Variants in ADAMTS18 observed in about 807,000 individuals in gnomAD.
ADAMTS18 encodes A disintegrin and metalloproteinase with thrombospondin motifs 18.
In ADAMTS18, 157 loss-of-function variants were observed where a neutral mutation model predicts 165.9. The ratio of observed to expected loss-of-function variants is 0.95; its 90% CI spans 0.83 to 1.08. The LOEUF (loss-of-function observed/expected upper bound fraction) is 1.08, where lower values mean the gene tolerates loss of function less well. Ranked by LOEUF, ADAMTS18 falls within the 50% of genes least tolerant of loss-of-function variation. The pLI, the probability that ADAMTS18 is intolerant of heterozygous loss-of-function variation, is 0.00. For missense variants in ADAMTS18, 2,040 were observed against 1,534.0 expected, an observed-to-expected ratio of 1.33 and a Z score of -5.51; for synonymous variants, 782 against 578.2, an observed-to-expected ratio of 1.35 and a Z score of -5.06.
intron 3 of ADAMTS18, among the ~76,000 whole-genome samples, chr16:77,400,276 T>A (rs1289560901): frequency 9.9e-5 from 15 of 151,882 alleles, no homozygotes; most frequent in Admixed American, 9.8e-4. Context: ...GCATTACATA[T>A]CTTCGCACCT....
At chr16:77,380,565 G>A (rs2057016196) in intron 3 of ADAMTS18, among the ~76,000 whole-genome samples, 1 of 152,106 alleles carries the variant, frequency 6.6e-6, no homozygotes, top group Non-Finnish European at 1.5e-5. Flanking sequence ...TAGCAAAATG[G>A]TTGATATTCT....
chr16:77,378,851 C>T (rs1388982832), intron 3 of ADAMTS18: 1 of 152,156 alleles, frequency 6.6e-6, no homozygotes, highest in African/African-American at 2.4e-5. Context: ...AGAAGTCTGG[C>T]CTTTTTCTAA....
In ADAMTS18 at chr16:77,296,547, G is replaced by C. The variant is rs529795803; in HGVS notation, c.2801+742C>G. 5.9e-5 allele frequency among the ~76,000 whole-genome samples: 9 copies of C among 152,242 alleles called. No individual in the cohort carries two copies. The East Asian group carries it at 1.7e-3, about 29-fold the overall frequency. On this transcript the variant is annotated intron_variant, in intron 18 of 22. Coordinates refer to ENST00000282849, the MANE Select transcript of ADAMTS18 (RefSeq NM_199355.4). ...CAGAGAAGAGGAATCCCTATGCAAA[G>C]GTTAAAAGAAAAAAGCACCTCACGC...
chr16:77,358,631 T>G (rs1202546053), intron 8 of ADAMTS18, among the ~76,000 whole-genome samples: 2 of 152,182 alleles, frequency 1.3e-5, no homozygotes, highest in Non-Finnish European at 2.9e-5. Flanking sequence ...GATGTTTGCT[T>G]TTAAGTCAAA....
At position 77,286,661 on chromosome 16, in the gene ADAMTS18, T is replaced by A. The variant is rs4888617; in HGVS notation, c.3551-2590A>T. On this transcript the variant is annotated intron_variant, in intron 22 of 22. Coordinates refer to ENST00000282849, the MANE Select transcript of ADAMTS18 (RefSeq NM_199355.4). The stretch of plus-strand genomic sequence containing the variant: ...ATTTTAGGGTCCTTGCTCCTTCCAC[T>A]GTACAATGCTGCCTGCCCCCATCTG... 2.0e-5 allele frequency among the ~76,000 whole-genome samples: 3 copies of A among 152,038 alleles called. No individual in the cohort carries two copies. The East Asian group carries it at 5.8e-4, about 29-fold the overall frequency.
At chr16:77,372,401 T>A (rs927932927) in intron 3 of ADAMTS18, among the ~76,000 whole-genome samples, 2 of 152,212 alleles carry the variant, frequency 1.3e-5, no homozygotes, top group African/African-American at 4.8e-5. Context: ...AAATGTGGTA[T>A]ATATACACAA....
intron 22 of ADAMTS18, among the ~76,000 whole-genome samples, chr16:77,288,725 G>T (rs1375440678): frequency 6.6e-6 from 1 of 152,116 alleles, no homozygotes; most frequent in Non-Finnish European, 1.5e-5. Context: ...GAGGGCTATT[G>T]TTGTTCACCT....
chr16:77,417,034 A>C (rs931298826), intron 3 of ADAMTS18, among the ~76,000 whole-genome samples: 3 of 152,170 alleles, frequency 2.0e-5, no homozygotes, highest in African/African-American at 4.8e-5. Flanking sequence ...GCCCTTTAAA[A>C]ATCAGTCTCA....
At chr16:77,387,074 T>C (rs2057118031) in intron 3 of ADAMTS18, among the ~76,000 whole-genome samples, 1 of 152,196 alleles carries the variant, frequency 6.6e-6, no homozygotes, top group Non-Finnish European at 1.5e-5. Flanking sequence ...CAGATTCAGA[T>C]GCAGAGGGAC....
rs71137814 is a variant in ADAMTS18 at position 77,403,999 on chromosome 16, TCCTCCCTC to T, written c.495+27288_495+27295del. Among the ~76,000 whole-genome samples, 616 of 139,810 alleles carry T rather than the reference TCCTCCCTC, an allele frequency of 4.4e-3. 8 individuals carry two copies. Among genetic ancestry groups the T allele is most frequent in the African/African-American group, 0.015 (581 of 37,888 alleles). 91.7% of individuals were successfully genotyped at this position (139,810 alleles called of 152,430 possible). A position where few individuals can be genotyped will look rare whatever the true frequency, so the allele number is the denominator to read the frequency against. ...TTTTAAACTGGAAGCAACCCACCCT[TCCTCCCTC>T]CCTCCCTCCCTCCCTCCCTACCGTC... is the stretch of plus-strand genomic sequence containing the variant. On this transcript the variant is annotated intron_variant, in intron 3 of 22. Coordinates refer to ENST00000282849, the MANE Select transcript of ADAMTS18 (RefSeq NM_199355.4).
At chr16:77,387,731 T>C (rs763368905) in intron 3 of ADAMTS18, among the ~76,000 whole-genome samples, 6 of 152,240 alleles carry the variant, frequency 3.9e-5, no homozygotes, top group African/African-American at 4.8e-5. Flanking sequence ...AAAGTTTTGA[T>C]TCTCCAACCA....
chr16:77,400,027 G>C (rs2057305268), intron 3 of ADAMTS18, among the ~76,000 whole-genome samples: 2 of 152,076 alleles, frequency 1.3e-5, no homozygotes, highest in Non-Finnish European at 2.9e-5. Flanking sequence ...GAACTCTATG[G>C]TGGCACTGGT....
rs1265042101 is a variant in ADAMTS18, at chr16:77,378,357, A to C, written c.496-10634T>G. 4.0e-5 allele frequency among the ~76,000 whole-genome samples: 6 copies of C among 148,256 alleles called. No individual in the cohort carries two copies. In the South Asian group the frequency reaches 6.4e-4, roughly 16 times the overall value. ...AACAAAAACAAAAAAAAACAAAAAA[A>C]AAAAAAACCAAGCCCTTTACTTAGA... On this transcript the variant is annotated intron_variant, in intron 3 of 22. Transcript: ENST00000282849.
intron 16 of ADAMTS18, among the ~76,000 whole-genome samples, chr16:77,312,233 CT>C (rs200863135): frequency 2.4e-4 from 35 of 144,864 alleles, no homozygotes; most frequent in East Asian, 2.0e-4. Context: ...AAAAACTTTT[CT>C]TTTTTTTTTT....
chr16:77,340,332 G>C (rs1378490950), intron 11 of ADAMTS18, among the ~76,000 whole-genome samples: 1 of 151,864 alleles, frequency 6.6e-6, no homozygotes, highest in African/African-American at 2.4e-5. Flanking sequence ...GTGCCACCAC[G>C]CCCAGCAAAT....
intron 3 of ADAMTS18, among the ~76,000 whole-genome samples, chr16:77,392,045 C>T (rs759993864): frequency 3.3e-5 from 5 of 151,668 alleles, no homozygotes; most frequent in Admixed American, 6.5e-5. Flanking sequence ...GACGCCCAGT[C>T]ATTGTGCAGA....
Position 77,326,022 on chromosome 16 carries a change from A to T in ADAMTS18, c.1876T>A (p.Leu626Ile), listed in dbSNP as rs11640912. 0.39 allele frequency: 634,910 copies of T among 1,612,920 alleles called. 134,471 individuals are homozygous for T. The highest frequency in any genetic ancestry group is 0.89 in the East Asian group (39,843 of 44,828). The change falls in exon 13 of 23, where the codon TTA (leucine) becomes ATA (isoleucine). Residue 626 changes from leucine (L) to isoleucine (I), a missense_variant. Physicochemically the swap from Leu to Ile is conservative, Grantham distance 5. Transcript: ENST00000282849. ...ATACGGCTAGAACCTGGACAGAATA[A>T]GCCACCATACTGAGGCCTGAAAATG... ...CNNPKPQYGGLFCPGSSRIYQ... is the reference protein window; with the variant it reads ...CNNPKPQYGGIFCPGSSRIYQ...
intron 16 of ADAMTS18, among the ~76,000 whole-genome samples, chr16:77,303,269 C>A (rs1470485228): frequency 6.6e-6 from 1 of 152,166 alleles, no homozygotes; most frequent in East Asian, 1.9e-4. Context: ...CCATGTGTGA[C>A]TAATGGCTAC....
chr16:77,369,109 C>A (rs138395172), intron 3 of ADAMTS18, among the ~76,000 whole-genome samples: 289 of 152,290 alleles, frequency 1.9e-3, no homozygotes, highest in African/African-American at 6.0e-3. Context: ...GAATCGTGGG[C>A]CTCACCCCAA....
Sources: gnomAD v4.1 joint callset for allele counts (sites outside exome capture counted in the v4.1 genomes callset) on GRCh38, gnomAD v4.1.1 for gene constraint, MANE v1.5 for transcripts, NCBI Gene and HGNC (gene_info 2026-07-23, HGNC 2026-07-21) for gene names.